CNTN4: variants seen among roughly 807,000 people sequenced by gnomAD.
CNTN4 encodes the protein contactin 4.
CNTN4 carries 77 observed loss-of-function variants against 122.5 expected under a neutral mutation model. That is an observed-to-expected ratio of 0.63 (90% CI 0.52 to 0.76). CNTN4 has a LOEUF of 0.76. Ranked by LOEUF, CNTN4 falls within the 30% of genes least tolerant of loss-of-function variation. CNTN4 has a pLI of 0.00. For missense variants in CNTN4, 1,256 were observed against 1,259.1 expected, an observed-to-expected ratio of 1.00 and a Z score of 0.04; for synonymous variants, 512 against 447.0, an observed-to-expected ratio of 1.15 and a Z score of -1.83.
chr3:2,979,824 A>G (rs1693789503), intron 13 of CNTN4, among the ~76,000 whole-genome samples: 2 of 152,170 alleles, frequency 1.3e-5, no homozygotes, highest in African/African-American at 4.8e-5. Context: ...ATTTATTTCT[A>G]AGGAAGTGTT....
At chr3:2,574,444 A>G (rs752541504) in intron 4 of CNTN4, among the ~76,000 whole-genome samples, 10 of 152,126 alleles carry the variant, frequency 6.6e-5, no homozygotes, top group Non-Finnish European at 1.0e-4. Context: ...AAGCAGGCTC[A>G]TCCTGCAAGG....
At chr3:2,641,177 G>A (rs1052492672) in intron 4 of CNTN4, among the ~76,000 whole-genome samples, 26 of 151,892 alleles carry the variant, frequency 1.7e-4, no homozygotes, top group Non-Finnish European at 3.5e-4. Context: ...TTTAATGATG[G>A]ATAGAATTAA....
intron 4 of CNTN4, among the ~76,000 whole-genome samples, chr3:2,734,098 T>C (rs569750547): frequency 5.9e-5 from 9 of 152,266 alleles, no homozygotes; most frequent in African/African-American, 2.2e-4. Flanking sequence ...CTTGGTTTGT[T>C]ATCCAAGCTG....
intron 13 of CNTN4, among the ~76,000 whole-genome samples, chr3:2,983,041 T>C (rs574573977): frequency 1.5e-4 from 22 of 151,148 alleles, no homozygotes; most frequent in East Asian, 3.9e-4. Flanking sequence ...GGTGAAAACC[T>C]GTCTCTACTA....
At chr3:2,990,541 C>A (rs1281414985) in intron 14 of CNTN4, among the ~76,000 whole-genome samples, 3 of 152,150 alleles carry the variant, frequency 2.0e-5, no homozygotes, top group African/African-American at 7.2e-5. Context: ...GCTTCCTTGG[C>A]TCTCCCAAGA....
intron 4 of CNTN4, among the ~76,000 whole-genome samples, chr3:2,608,465 A>G (rs2127344): frequency 1.2e-5 from 1 of 82,404 alleles, no homozygotes; most frequent in Non-Finnish European, 3.9e-5. Context: ...GTCTGTTTAA[A>G]AAAGAAAGAA....
chr3:2,589,551 A>G (rs759720308), intron 4 of CNTN4, among the ~76,000 whole-genome samples: 1 of 152,210 alleles, frequency 6.6e-6, no homozygotes, highest in African/African-American at 2.4e-5. Flanking sequence ...GAAGAATGCA[A>G]GTGTCATTCT....
intron 13 of CNTN4, chr3:2,927,353 C>A (rs2094482742): frequency 2.2e-6 from 1 of 455,074 alleles, no homozygotes; most frequent in Admixed American, 2.4e-5. Flanking sequence ...GCCTGGTGGA[C>A]CAAGATGCTC....
chr3:2,521,995 A>G (rs187509428), intron 3 of CNTN4, among the ~76,000 whole-genome samples: 2 of 152,218 alleles, frequency 1.3e-5, no homozygotes, highest in Admixed American at 1.3e-4. Context: ...GAGAGGAATG[A>G]TCATTACTGT....
chr3:2,207,546 G>T (rs1186729387), intron 2 of CNTN4, among the ~76,000 whole-genome samples: 1 of 152,104 alleles, frequency 6.6e-6, no homozygotes, highest in African/African-American at 2.4e-5. Flanking sequence ...TTCCCTTAAA[G>T]ACCTAACCCT....
At chr3:2,357,849 C>A (rs1488236755) in intron 3 of CNTN4, among the ~76,000 whole-genome samples, 1 of 152,170 alleles carries the variant, frequency 6.6e-6, no homozygotes, top group Non-Finnish European at 1.5e-5. Context: ...TGGTATCAGG[C>A]TTTAATGCCT....
intron 7 of CNTN4, among the ~76,000 whole-genome samples, chr3:2,836,045 A>G (rs2093218582): frequency 6.6e-6 from 1 of 152,144 alleles, no homozygotes; most frequent in Non-Finnish European, 1.5e-5. Context: ...AGAGCATATA[A>G]TTTTCTATAA....
Position 2,196,041 on chromosome 3 carries a change from A to G in CNTN4, c.-145+95402A>G, listed in dbSNP as rs183688643. On this transcript the variant is annotated intron_variant, in intron 2 of 24. Transcript: ENST00000418658. ...AAATCTAGAGATGATATAGAAATAA[A>G]TAAACTTCTGCAGGTCCTATAACCC... Among the ~76,000 whole-genome samples the G allele has an allele frequency of 2.7e-3, 418 of 152,314 alleles. 2 individuals are homozygous for G. Among genetic ancestry groups the G allele is most frequent in the Non-Finnish European group, 3.8e-3 (257 of 68,030 alleles).
At chr3:2,932,861 CG>C (rs1559685398) in intron 13 of CNTN4, among the ~76,000 whole-genome samples, 1 of 151,692 alleles carries the variant, frequency 6.6e-6, no homozygotes, top group African/African-American at 2.4e-5. Flanking sequence ...CTCGCTCTGT[CG>C]CCCAGGCTGG....
intron 2 of CNTN4, among the ~76,000 whole-genome samples, chr3:2,270,070 C>T (rs2041223063): frequency 1.1e-5 from 1 of 93,062 alleles, no homozygotes; most frequent in Non-Finnish European, 2.4e-5. Context: ...CTGCCTCAGC[C>T]TCCCCAGTAG....
chr3:2,298,595 T>G (rs1178486), intron 2 of CNTN4, among the ~76,000 whole-genome samples: 1 of 152,006 alleles, frequency 6.6e-6, no homozygotes, highest in East Asian at 1.9e-4. Flanking sequence ...AGAGAATGAA[T>G]TTCCATCTTT....
chr3:2,458,001 C>T (rs528892484), intron 3 of CNTN4, among the ~76,000 whole-genome samples: 13 of 152,114 alleles, frequency 8.5e-5, no homozygotes, highest in Non-Finnish European at 1.5e-4. Flanking sequence ...CCAAACATCT[C>T]CCACCTTCCA....
chr3:2,612,107 TACACACACAC>T (rs58025362), intron 4 of CNTN4, among the ~76,000 whole-genome samples: 121 of 150,120 alleles, frequency 8.1e-4, no homozygotes, highest in Non-Finnish European at 1.5e-3. Context: ...ATACATATAA[TACACACACAC>T]ACACACACAC....
chr3:2,484,904 G>T (rs539429602), intron 3 of CNTN4, among the ~76,000 whole-genome samples: 26 of 152,294 alleles, frequency 1.7e-4, no homozygotes, highest in African/African-American at 6.3e-4. Flanking sequence ...CTTGCGGGAA[G>T]GTGTGCGAGA....
Sources: gnomAD v4.1 joint callset for allele counts (sites outside exome capture counted in the v4.1 genomes callset) on GRCh38, gnomAD v4.1.1 for gene constraint, MANE v1.5 for transcripts, NCBI Gene and HGNC (gene_info 2026-07-23, HGNC 2026-07-21) for gene names.